Variants in FLT4 observed in about 807,000 individuals in gnomAD.
The protein encoded by FLT4 is vascular endothelial growth factor receptor 3.
A neutral mutation model predicts 163.2 loss-of-function variants in FLT4; 30 were observed. That is an observed-to-expected ratio of 0.18 (90% CI 0.14 to 0.25). The LOEUF (loss-of-function observed/expected upper bound fraction) is 0.25, where lower values mean the gene tolerates loss of function less well. Ranked by LOEUF, FLT4 falls within the 10% of genes least tolerant of loss-of-function variation. FLT4 has a pLI of 1.00. For missense variants in FLT4, 1,510 were observed against 1,863.8 expected (o/e 0.81, Z 3.50); for synonymous variants, 884 against 789.5 (o/e 1.12, Z -2.01).
intron 8 of FLT4, among the ~76,000 whole-genome samples, chr5:180,627,727 C>A (rs372198753): frequency 2.6e-5 from 4 of 152,164 alleles, no homozygotes; most frequent in Admixed American, 2.6e-4. Flanking sequence ...AGACCCTGGA[C>A]GCAACAGAGC....
At chr5:180,624,492 C>T (rs1000989562) in intron 10 of FLT4, among the ~76,000 whole-genome samples, 28 of 152,206 alleles carry the variant, frequency 1.8e-4, no homozygotes, top group African/African-American at 6.3e-4. Flanking sequence ...CCTCCCAAAG[C>T]GCTGGGATTA....
At chr5:180,650,258 C>G (rs935031850), upstream of FLT4, among the ~76,000 whole-genome samples, 2 of 151,976 alleles carry the variant, frequency 1.3e-5, no homozygotes, top group Non-Finnish European at 2.9e-5. Flanking sequence ...GAAGCCGCAC[C>G]CGTGAGCGGG....
Position 180,631,726 on chromosome 5 carries a change from C to T in FLT4, c.111G>A (p.Glu37=), listed in dbSNP as rs1764178256. 6.2e-7 allele frequency: 1 copy of T among 1,610,946 alleles called. No individual in the cohort carries two copies. Among genetic ancestry groups the T allele is most frequent in the Non-Finnish European group, 8.5e-7 (1 of 1,179,946 alleles). The change falls in exon 2 of 30, where the codon GAG becomes GAA. Residue 37 remains glutamate, a synonymous_variant. Transcript: ENST00000261937. ...TGTCACCGGTGTCGATGACGTGTGA[C>T]TCCTCCGTGATGTTCAAGGTCGGGG... is the stretch of plus-strand genomic sequence containing the variant. ...MTPPTLNITE[E]SHVIDTGDSL...
chr5:180,609,335 A>C (rs962973362), intron 28 of FLT4: 3 of 532,332 alleles, frequency 5.6e-6, no homozygotes, highest in Non-Finnish European at 1.0e-5. Flanking sequence ...CAGTGTGTGA[A>C]GAGCAGGAGC....
At position 180,630,919 on chromosome 5, in the gene FLT4, AG is replaced by A. The variant is rs1387836128; in HGVS notation, c.156-121del. ...TCTTACCCAGAGCATGGAACTGCCC[AG>A]GGTTTGGGCGCACACTACAGACCGT... is the stretch of plus-strand genomic sequence containing the variant. On this transcript the variant is annotated intron_variant, in intron 2 of 29. Coordinates refer to ENST00000261937, the MANE Select transcript of FLT4 (RefSeq NM_182925.5). The surrounding 1 kb of genome is among the most constrained non-coding windows in gnomAD (Gnocchi z 6.3). The A allele has an allele frequency of 2.9e-5, 37 of 1,261,806 alleles. No homozygotes were observed. The highest frequency in any genetic ancestry group is 1.0e-4 in the Admixed American group (4 of 39,930). The allele number at this position is 1,261,806 out of a possible 1,614,324, so 78.2% of individuals were successfully genotyped here. A position where few individuals can be genotyped will look rare whatever the true frequency, so the allele number is the denominator to read the frequency against.
intron 10 of FLT4, 24 bp from the exon 11 acceptor site, chr5:180,624,085 G>A (rs2127823363): frequency 6.2e-7 from 1 of 1,608,930 alleles, no homozygotes; most frequent in South Asian, 1.1e-5. Flanking sequence ...AAGAGGCAAG[G>A]GCAGGTCAGG....
In FLT4 at chr5:180,630,431, C is replaced by G; in HGVS notation, c.401-94G>C. The G allele has an allele frequency of 6.4e-7, 1 of 1,551,744 alleles. No individual in the cohort carries two copies. The highest frequency in any genetic ancestry group is 8.8e-7 in the Non-Finnish European group (1 of 1,138,094). The stretch of plus-strand genomic sequence containing the variant: ...TGGGTGGTGCTGGTCCTGAACCAGC[C>G]ACCCGCTGGAGCAGGTAGGGCCCCG... On this transcript the variant is annotated intron_variant, in intron 3 of 29. Transcript: ENST00000261937. The surrounding 1 kb of genome is among the most constrained non-coding windows in gnomAD (Gnocchi z 6.3).
chr5:180,632,487 G>A (rs145976217), intron 1 of FLT4, among the ~76,000 whole-genome samples: 15 of 152,256 alleles, frequency 9.9e-5, no homozygotes, highest in African/African-American at 3.6e-4. Flanking sequence ...AAATAAACCC[G>A]CCTCATCTGG....
At chr5:180,606,323 C>T (rs944190990) in intron 29 of FLT4, among the ~76,000 whole-genome samples, 3 of 152,248 alleles carry the variant, frequency 2.0e-5, no homozygotes, top group Non-Finnish European at 4.4e-5. Context: ...AGCAAGATGG[C>T]TGCCCAGTGC....
In FLT4 at chr5:180,630,538, C is replaced by T. The variant is rs59410886; in HGVS notation, c.400+17G>A. On this transcript the variant is annotated intron_variant, in intron 3 of 29. Transcript: ENST00000261937. The surrounding 1 kb of genome is among the most constrained non-coding windows in gnomAD (Gnocchi z 6.3). ...GCCCGGGACCCTGCTCCAGCCTGGC[C>T]CGCCTCCAAGTCTCACCTCTCACGA... 29,740 of 1,612,380 alleles carry T rather than the reference C, an allele frequency of 0.018. 3,538 individuals carry two copies. In the East Asian group the frequency reaches 0.38, roughly 21 times the overall value.
intron 14 of FLT4, 30 bp downstream of exon 14, chr5:180,621,076 C>A (rs1763105933): frequency 6.2e-7 from 1 of 1,612,568 alleles, no homozygotes; most frequent in African/African-American, 1.3e-5. Context: ...GGCCTCCGGA[C>A]CTGCCCTTCG....
intron 21 of FLT4, 76 bp downstream of exon 21, chr5:180,618,694 C>A: frequency 2.4e-6 from 1 of 424,288 alleles, no homozygotes; most frequent in South Asian, 3.3e-5. Context: ...CTGAGGACCC[C>A]AGGCTGGGGT....
Position 180,626,021 on chromosome 5 carries a change from C to T in FLT4, c.1269G>A (p.Gln423=). The T allele has an allele frequency of 1.2e-6, 2 of 1,612,734 alleles. No homozygotes were observed. The highest frequency in any genetic ancestry group is 1.7e-6 in the Non-Finnish European group (2 of 1,179,970). The stretch of plus-strand genomic sequence containing the variant: ...GGGAGGAGGCCTCCTTCTCATGTAT[C>T]TGGGGGGGCACTGTGGGCACACAGA... ...SLELVVNVPP[Q]IHEKEASSPS... The change falls in exon 10 of 30, where the codon CAG becomes CAA. Residue 423 remains glutamine, a synonymous_variant. Coordinates refer to ENST00000261937, the MANE Select transcript of FLT4 (RefSeq NM_182925.5).
chr5:180,648,347 T>C (rs754596501), intron 1 of FLT4, among the ~76,000 whole-genome samples: 2 of 152,128 alleles, frequency 1.3e-5, no homozygotes, highest in Non-Finnish European at 1.5e-5. Context: ...AAGGCAGGCT[T>C]TGTCAGGCTT....
intron 7 of FLT4, 60 bp downstream of exon 7, chr5:180,629,199 C>A: frequency 6.3e-7 from 1 of 1,595,668 alleles, no homozygotes; most frequent in Non-Finnish European, 8.6e-7. Flanking sequence ...TGCTCAAGGG[C>A]ACCGTGAGCT....
At chr5:180,632,717 G>C (rs1284295377) in intron 1 of FLT4, among the ~76,000 whole-genome samples, 1 of 152,182 alleles carries the variant, frequency 6.6e-6, no homozygotes, top group Non-Finnish European at 1.5e-5. Context: ...AGTGGTGTGT[G>C]TGGCTTCCTG....
chr5:180,614,047 G>A (rs1561701580), intron 24 of FLT4, 21 bp downstream of exon 24: 16 of 1,546,614 alleles, frequency 1.0e-5, no homozygotes, highest in South Asian at 5.6e-5. Flanking sequence ...TCTCCCCACC[G>A]GCACCCCATC....
rs551695221 is a variant in FLT4 at position 180,644,953 on chromosome 5, C to T, written c.58+4535G>A. On this transcript the variant is annotated intron_variant, in intron 1 of 29. Coordinates refer to ENST00000261937, the MANE Select transcript of FLT4 (RefSeq NM_182925.5). ...TCCGCTTGGAGCAGCACCGTCTGCC[C>T]GGAGTTCCCAGCAGTCTCCCAAAGG... Among the ~76,000 whole-genome samples the T allele has an allele frequency of 5.9e-5, 9 of 152,340 alleles. No homozygotes were observed. The East Asian group carries it at 1.2e-3, about 20-fold the overall frequency.
At position 180,649,575 on chromosome 5, in the gene FLT4, AGCGGCC is replaced by A. The variant is rs1765648562; in HGVS notation, c.-36_-31del. ...GGCCGCTGCGCGTGGGTCCGACCCG[AGCGGCC>A]GCGGCTCGGGGCTGAAAGTGTCCGC... is the stretch of plus-strand genomic sequence containing the variant. On this transcript the variant is annotated 5_prime_UTR_variant, in exon 1 of 30. Transcript: ENST00000261937. 2.2e-6 allele frequency: 3 copies of A among 1,361,946 alleles called. No individual in the cohort carries two copies. Among genetic ancestry groups the A allele is most frequent in the Non-Finnish European group, 2.9e-6 (3 of 1,052,280 alleles). The allele number at this position is 1,361,946 out of a possible 1,614,324, so 84.4% of individuals were successfully genotyped here.
Sources: allele counts gnomAD v4.1 joint callset (sites outside exome capture counted in the v4.1 genomes callset), GRCh38; gene constraint gnomAD v4.1.1; non-coding constraint Gnocchi (gnomAD v3.1); transcripts MANE v1.5; gene names NCBI Gene and HGNC (gene_info 2026-07-23, HGNC 2026-07-21).